RC3H2: variants seen among roughly 807,000 people sequenced by gnomAD.
RC3H2 encodes roquin-2.
Under a neutral mutation model 133.3 loss-of-function variants are expected in RC3H2, and 31 were observed. The ratio of observed to expected loss-of-function variants is 0.23; its 90% CI spans 0.17 to 0.31. The LOEUF (loss-of-function observed/expected upper bound fraction) is 0.31, where lower values mean the gene tolerates loss of function less well. Among genes scored for constraint, RC3H2 ranks in the 10% least tolerant of loss-of-function variants. The pLI, the probability that RC3H2 is intolerant of heterozygous loss-of-function variation, is 1.00. For synonymous variants in RC3H2, 517 were observed against 502.2 expected (o/e 1.03, Z -0.40); for missense variants, 1,175 against 1,437.2 (o/e 0.82, Z 2.95).
rs997556810 is a variant in RC3H2 at position 122,858,240 on chromosome 9, T to C, written c.2284-147A>G. On this transcript the variant is annotated intron_variant, in intron 12 of 20. Coordinates refer to ENST00000357244, the MANE Select transcript of RC3H2 (RefSeq NM_001100588.3). ...CACCCTAGTCTATTCTCCATACACT[T>C]AAAATAAAAAGGTTAATATTTATTC... 10 of 698,516 alleles carry C rather than the reference T, an allele frequency of 1.4e-5. No individual in the cohort carries two copies. In the African/African-American group the frequency reaches 1.6e-4, roughly 11 times the overall value. The allele number at this position is 698,516 out of a possible 1,614,324, so 43.3% of individuals were successfully genotyped here. A position where few individuals can be genotyped will look rare whatever the true frequency, so the allele number is the denominator to read the frequency against.
intron 4 of RC3H2, among the ~76,000 whole-genome samples, chr9:122,887,942 G>T (rs533018043): frequency 6.6e-6 from 1 of 151,946 alleles, no homozygotes; most frequent in African/African-American, 2.4e-5. Flanking sequence ...ACAGGGTTTC[G>T]CCATGTTGGC....
At chr9:122,890,621 T>A in intron 3 of RC3H2, 76 bp from the exon 4 acceptor site, 1 of 1,129,306 alleles carries the variant, frequency 8.9e-7, no homozygotes, top group Non-Finnish European at 1.3e-6. Flanking sequence ...TATCTGCATT[T>A]AACGATTAAG....
chr9:122,846,957 C>T lies in RC3H2; in HGVS notation c.*2670G>A, dbSNP rs1829883681. On this transcript the variant is annotated 3_prime_UTR_variant, in exon 21 of 21. Transcript: ENST00000357244. Reference sequence around the variant, plus strand: ...CACCATGACAGACAGAAGGTGACCACTACATAGAGAATGGATGCAACACAG... The same window carrying T: ...CACCATGACAGACAGAAGGTGACCATTACATAGAGAATGGATGCAACACAG... The T allele has an allele frequency of 6.6e-6, 1 of 152,090 alleles. No homozygotes were observed. Among genetic ancestry groups the T allele is most frequent in the African/African-American group, 2.4e-5 (1 of 41,434 alleles). The allele number at this position is 152,090 out of a possible 1,614,324, so 9.4% of individuals were successfully genotyped here.
Position 122,858,834 on chromosome 9 carries a change from G to A in RC3H2, c.2118C>T (p.Tyr706=). The A allele has an allele frequency of 6.2e-7, 1 of 1,614,286 alleles. No homozygotes were observed. Among genetic ancestry groups the A allele is most frequent in the Non-Finnish European group, 8.5e-7 (1 of 1,180,052 alleles). Residue 706 remains tyrosine, a synonymous_variant, in exon 12 of 21, where the codon TAC becomes TAT. Coordinates refer to ENST00000357244, the MANE Select transcript of RC3H2 (RefSeq NM_001100588.3). ...TGCTTCTAATAATGTCATCTCGTTG[G>A]TACATAGGTGGGCGCCAGATGCGCC... ...DSRRIWRPPM[Y]QRDDIIRSNS...
chr9:122,866,692 C>T (rs958044645), intron 9 of RC3H2, among the ~76,000 whole-genome samples: 2 of 151,898 alleles, frequency 1.3e-5, no homozygotes, highest in African/African-American at 4.9e-5. Context: ...CAGACGATGT[C>T]TGGTTCACTC....
chr9:122,900,121 TTA>T (rs1272215569), intron 1 of RC3H2, among the ~76,000 whole-genome samples: 3 of 152,202 alleles, frequency 2.0e-5, no homozygotes, highest in Non-Finnish European at 4.4e-5. Context: ...TAGTATAGTT[TTA>T]TGTTACAATA....
chr9:122,868,869 G>A (rs796153887), intron 9 of RC3H2, among the ~76,000 whole-genome samples: 573 of 20,714 alleles, frequency 0.028, 102 homozygotes, highest in Non-Finnish European at 0.077. Context: ...GTGTGTGTGT[G>A]TGTGTGTGTG....
chr9:122,902,232 ACTTT>A (rs1330552198), intron 1 of RC3H2, among the ~76,000 whole-genome samples: 1 of 152,080 alleles, frequency 6.6e-6, no homozygotes, highest in Non-Finnish European at 1.5e-5. Context: ...CGCCCAGCCA[ACTTT>A]CTATTTTAAC....
At chr9:122,895,524 T>G (rs1282905291) in intron 2 of RC3H2, among the ~76,000 whole-genome samples, 6 of 152,178 alleles carry the variant, frequency 3.9e-5, no homozygotes, top group Non-Finnish European at 1.5e-5. Flanking sequence ...AAATGTTGTT[T>G]GCAAGAGGCA....
chr9:122,848,654 A>C lies in RC3H2; in HGVS notation c.*973T>G, dbSNP rs1240610644. Reference sequence around the variant, plus strand: ...ATGAACAACCAAATTAATTAGTTTAAATTAAAAACCCAGCAATACCATCTT... The same window carrying C: ...ATGAACAACCAAATTAATTAGTTTACATTAAAAACCCAGCAATACCATCTT... On this transcript the variant is annotated 3_prime_UTR_variant, in exon 21 of 21. Coordinates refer to ENST00000357244, the MANE Select transcript of RC3H2 (RefSeq NM_001100588.3). 6.6e-6 allele frequency: 1 copy of C among 152,194 alleles called. No individual in the cohort carries two copies. Among genetic ancestry groups the C allele is most frequent in the Non-Finnish European group, 1.5e-5 (1 of 68,014 alleles). 9.4% of individuals were successfully genotyped at this position (152,194 alleles called of 1,614,324 possible).
At chr9:122,862,328 TG>T (rs2131401587) in intron 10 of RC3H2, among the ~76,000 whole-genome samples, 1 of 152,328 alleles carries the variant, frequency 6.6e-6, no homozygotes, top group Admixed American at 6.5e-5. Flanking sequence ...CACATCCTAG[TG>T]AGCATGAGAT....
At chr9:122,904,216 G>A (rs867004035) in intron 1 of RC3H2, among the ~76,000 whole-genome samples, 24 of 152,304 alleles carry the variant, frequency 1.6e-4, no homozygotes, top group Middle Eastern at 3.4e-3. Context: ...AAGGGGAGAG[G>A]AGGAATTAAA....
chr9:122,876,049 G>A (rs1156722288), intron 9 of RC3H2, among the ~76,000 whole-genome samples: 1 of 152,128 alleles, frequency 6.6e-6, no homozygotes, highest in East Asian at 1.9e-4. Context: ...ACAAGGGATC[G>A]AGAAAAGGAG....
rs1829832583 is a variant in RC3H2 at position 122,844,762 on chromosome 9, T to G, written c.*4865A>C. ...TTCACTATCATCACAACCCTCATTG[T>G]TCCATCTCTGCCCTCCCCCCATATA... On this transcript the variant is annotated 3_prime_UTR_variant, in exon 21 of 21. Coordinates refer to ENST00000357244, the MANE Select transcript of RC3H2 (RefSeq NM_001100588.3). 6.6e-6 allele frequency: 1 copy of G among 152,196 alleles called. No homozygotes were observed. The highest frequency in any genetic ancestry group is 6.5e-5 in the Admixed American group (1 of 15,276). 9.4% of individuals were successfully genotyped at this position (152,196 alleles called of 1,614,324 possible). A position where few individuals can be genotyped will look rare whatever the true frequency, so the allele number is the denominator to read the frequency against.
chr9:122,875,413 A>G, intron 9 of RC3H2: 1 of 1,483,004 alleles, frequency 6.7e-7, no homozygotes. Flanking sequence ...CATGGGCCAT[A>G]GTTTCTGTAA....
intron 6 of RC3H2, chr9:122,880,378 T>C: frequency 2.8e-6 from 2 of 712,656 alleles, no homozygotes; most frequent in South Asian, 1.6e-5. Context: ...TTTGTAAGCC[T>C]CACTGCTTTT....
Position 122,846,009 on chromosome 9 carries a change from T to C in RC3H2, c.*3618A>G, listed in dbSNP as rs1829861200. 1 of 152,242 alleles carries C rather than the reference T, an allele frequency of 6.6e-6. No individual in the cohort carries two copies. Among genetic ancestry groups the C allele is most frequent in the African/African-American group, 2.4e-5 (1 of 41,468 alleles). The allele number at this position is 152,242 out of a possible 1,614,324, so 9.4% of individuals were successfully genotyped here. A position where few individuals can be genotyped will look rare whatever the true frequency, so the allele number is the denominator to read the frequency against. On this transcript the variant is annotated 3_prime_UTR_variant, in exon 21 of 21. Transcript: ENST00000357244. ...AATCACATGCTGAATCTGATGGTTA[T>C]ACATTCCACCCCTGTTAACAAGACA...
At chr9:122,883,154 G>C in intron 5 of RC3H2, 50 bp downstream of exon 5, 1 of 1,529,956 alleles carries the variant, frequency 6.5e-7, no homozygotes, top group Non-Finnish European at 8.9e-7. Context: ...ATTTCAGGAA[G>C]TCTCTGTCTC....
chr9:122,872,102 T>C (rs1831127892), intron 9 of RC3H2, among the ~76,000 whole-genome samples: 2 of 152,202 alleles, frequency 1.3e-5, no homozygotes, highest in Admixed American at 6.5e-5. Flanking sequence ...GTTGCATTAA[T>C]ATAGAATAAG....
Sources: gnomAD v4.1 joint callset for allele counts (sites outside exome capture counted in the v4.1 genomes callset) on GRCh38, gnomAD v4.1.1 for gene constraint, MANE v1.5 for transcripts, NCBI Gene and HGNC (gene_info 2026-07-23, HGNC 2026-07-21) for gene names.